Variants in SEPTIN8 observed in about 807,000 individuals in gnomAD.
SEPTIN8 encodes the protein septin-8.
SEPTIN8 carries 22 observed loss-of-function variants against 53.1 expected under a neutral mutation model. The observed-to-expected ratio is 0.41, with a 90% confidence interval of 0.30 to 0.59. The LOEUF (loss-of-function observed/expected upper bound fraction) is 0.59, where lower values mean the gene tolerates loss of function less well. Among genes scored for constraint, SEPTIN8 ranks in the 20% least tolerant of loss-of-function variants. The pLI is 0.24. For synonymous variants in SEPTIN8, 228 were observed against 248.4 expected (o/e 0.92, Z 0.77); for missense variants, 536 against 638.7 (o/e 0.84, Z 1.73).
chr5:132,776,313 C>G lies in SEPTIN8; in HGVS notation c.30+795G>C, dbSNP rs532735716. Among the ~76,000 whole-genome samples, 2 of 152,174 alleles carry G rather than the reference C, an allele frequency of 1.3e-5. No individual in the cohort carries two copies. Among genetic ancestry groups the G allele is most frequent in the Non-Finnish European group, 2.9e-5 (2 of 68,032 alleles). ...AGCAGGGGATGTCCAGATACAACCC[C>G]CCAAAGGCCTCCCTCCCGCGAGTGA... On this transcript the variant is annotated intron_variant, in intron 1 of 9. Transcript: ENST00000378719. This position sits in a 1 kb window ranked among gnomAD's most constrained non-coding sequence, Gnocchi z 4.4.
intron 1 of SEPTIN8, among the ~76,000 whole-genome samples, chr5:132,771,437 C>T (rs1757310063): frequency 6.6e-6 from 1 of 152,188 alleles, no homozygotes; most frequent in Admixed American, 6.5e-5. Flanking sequence ...CTCAGGCCTT[C>T]CAGAGTTCTC....
rs767730032 is a variant in SEPTIN8 at position 132,758,583 on chromosome 5, T to G, written c.1286+2219A>C. 1.9e-6 allele frequency: 3 copies of G among 1,610,280 alleles called. No homozygotes were observed. In the Admixed American group the frequency reaches 5.0e-5, roughly 27 times the overall value. ...TGAAAAAAATAAACCTCGTCAGTTT[T>G]GGATTCCAGCATTCATGGCTTTTAC... On this transcript the variant is annotated intron_variant, in intron 9 of 9. Transcript: ENST00000378719.
At chr5:132,774,922 T>C (rs955692025) in intron 1 of SEPTIN8, among the ~76,000 whole-genome samples, 1 of 152,136 alleles carries the variant, frequency 6.6e-6, no homozygotes. Context: ...TTTCCCAAGA[T>C]GACAAGCCAG....
chr5:132,762,345 C>T, intron 5 of SEPTIN8, 139 bp downstream of exon 5: 1 of 819,700 alleles, frequency 1.2e-6, no homozygotes, highest in Non-Finnish European at 1.9e-6. Flanking sequence ...GACTGGCCAG[C>T]TCCAGATGCC....
At chr5:132,762,695 G>A in intron 4 of SEPTIN8, 50 bp from the exon 5 acceptor site, 1 of 1,595,584 alleles carries the variant, frequency 6.3e-7, no homozygotes, top group Non-Finnish European at 8.6e-7. Flanking sequence ...CTTTTGAGCG[G>A]TGGTTCCCAT....
intron 9 of SEPTIN8, chr5:132,757,587 C>A (rs747478324): frequency 4.1e-6 from 4 of 985,196 alleles, no homozygotes; most frequent in Non-Finnish European, 4.8e-6. Flanking sequence ...TTGAGGGGAG[C>A]GTTGTGCATT....
At chr5:132,762,722 G>A (rs1756118316) in intron 4 of SEPTIN8, 77 bp from the exon 5 acceptor site, 1 of 1,487,258 alleles carries the variant, frequency 6.7e-7, no homozygotes, top group Non-Finnish European at 9.3e-7. Context: ...CCCAGGATAT[G>A]GATAGACATG....
chr5:132,759,840 G>A (rs757212460), intron 9 of SEPTIN8, among the ~76,000 whole-genome samples: 15 of 152,180 alleles, frequency 9.9e-5, no homozygotes, highest in Non-Finnish European at 1.6e-4. Context: ...GGTGGGCGAG[G>A]GTGAGCCCCA....
Position 132,773,635 on chromosome 5 carries a change from C to A in SEPTIN8, c.30+3473G>T, listed in dbSNP as rs1405923844. 6.6e-6 allele frequency among the ~76,000 whole-genome samples: 1 copy of A among 152,216 alleles called. No individual in the cohort carries two copies. The highest frequency in any genetic ancestry group is 1.5e-5 in the Non-Finnish European group (1 of 68,040). ...TCAACAAGATAATGCGCTCAAAGCA[C>A]CCACTGCCCTCCTTGCCATCCAAGG... On this transcript the variant is annotated intron_variant, in intron 1 of 9. Coordinates refer to ENST00000378719, the MANE Select transcript of SEPTIN8 (RefSeq NM_001098811.2). This position sits in a 1 kb window ranked among gnomAD's most constrained non-coding sequence, Gnocchi z 4.2.
Position 132,776,569 on chromosome 5 carries a change from G to T in SEPTIN8, c.30+539C>A, listed in dbSNP as rs887342011. 2.0e-5 allele frequency among the ~76,000 whole-genome samples: 3 copies of T among 150,258 alleles called. No homozygotes were observed. Among genetic ancestry groups the T allele is most frequent in the Non-Finnish European group, 4.5e-5 (3 of 66,652 alleles). On this transcript the variant is annotated intron_variant, in intron 1 of 9. Transcript: ENST00000378719. The surrounding 1 kb of genome is among the most constrained non-coding windows in gnomAD (Gnocchi z 4.4). ...CCAGGATTCCGGCGTGGGGAGCGGG[G>T]CAGAGGGGAGCGGGGGAGGAAGGAA...
At chr5:132,775,351 G>A (rs30523) in intron 1 of SEPTIN8, among the ~76,000 whole-genome samples, 55,179 of 152,018 alleles carry the variant, frequency 0.36, 16,843 homozygotes, top group African/African-American at 0.8. Flanking sequence ...TTACATAGGG[G>A]GCCAGTCCTC....
Position 132,760,750 on chromosome 5 carries a change from C to T in SEPTIN8, c.1286+52G>A. ...GGGAGGTGAGGGACAAGAACGAAAG[C>T]AAGAGCCCACAGGAGCAAGAGGAGC... On this transcript the variant is annotated intron_variant, in intron 9 of 9. Coordinates refer to ENST00000378719, the MANE Select transcript of SEPTIN8 (RefSeq NM_001098811.2). This position sits in a 1 kb window ranked among gnomAD's most constrained non-coding sequence, Gnocchi z 5.2. 3 of 1,545,686 alleles carry T rather than the reference C, an allele frequency of 1.9e-6. No homozygotes were observed. Among genetic ancestry groups the T allele is most frequent in the East Asian group, 4.5e-5 (2 of 44,560 alleles).
At chr5:132,778,806 A>T (rs1757978879), upstream of SEPTIN8, among the ~76,000 whole-genome samples, 1 of 152,350 alleles carries the variant, frequency 6.6e-6, no homozygotes, top group Admixed American at 6.5e-5. Context: ...TCTCTAGACT[A>T]CAAGGGCCTT....
rs756664598 is a variant in SEPTIN8 at position 132,761,084 on chromosome 5, G to A, written c.1095+49C>T. 6.2e-7 allele frequency: 1 copy of A among 1,611,790 alleles called. No homozygotes were observed. Among genetic ancestry groups the A allele is most frequent in the Admixed American group, 1.7e-5 (1 of 59,942 alleles). ...CACCCCCACCTCTACCCTCAGCCAG[G>A]CCTTCCCTCCCTCAGCTTCCCCATC... On this transcript the variant is annotated intron_variant, in intron 8 of 9. Transcript: ENST00000378719. This position sits in a 1 kb window ranked among gnomAD's most constrained non-coding sequence, Gnocchi z 5.8.
In SEPTIN8 at chr5:132,756,818, T is replaced by C. The variant is rs906190927; in HGVS notation, c.1286+3984A>G. The C allele has an allele frequency of 3.0e-6, 3 of 985,314 alleles. No individual in the cohort carries two copies. In the African/African-American group the frequency reaches 5.2e-5, roughly 17 times the overall value. 61.0% of individuals were successfully genotyped at this position (985,314 alleles called of 1,614,324 possible). On this transcript the variant is annotated intron_variant, in intron 9 of 9. Transcript: ENST00000378719. ...CGACCCGCAGGCCACAATGGACGAA[T>C]GGCCAAGTCTGCATACTCCAGAGTC...
chr5:132,777,199 C>T lies in SEPTIN8; in HGVS notation c.-62G>A. ...CGCAGGGGCAGCGACAGGGACCAGCCGGCTGCGGGACGCGCTCCGCCCGGG... is the reference window on the plus strand; with the variant it reads ...CGCAGGGGCAGCGACAGGGACCAGCTGGCTGCGGGACGCGCTCCGCCCGGG... On this transcript the variant is annotated 5_prime_UTR_variant, in exon 1 of 10. Transcript: ENST00000378719. The surrounding 1 kb of genome is among the most constrained non-coding windows in gnomAD (Gnocchi z 4.1). 1.7e-6 allele frequency: 2 copies of T among 1,161,182 alleles called. No individual in the cohort carries two copies. Among genetic ancestry groups the T allele is most frequent in the Non-Finnish European group, 2.1e-6 (2 of 941,652 alleles). The allele number at this position is 1,161,182 out of a possible 1,614,324, so 71.9% of individuals were successfully genotyped here.
intron 1 of SEPTIN8, among the ~76,000 whole-genome samples, chr5:132,769,359 G>A (rs769312501): frequency 1.6e-4 from 24 of 152,252 alleles, no homozygotes; most frequent in African/African-American, 3.6e-4. Context: ...CAACACACAC[G>A]CACTGGACAT....
chr5:132,773,051 G>A lies in SEPTIN8; in HGVS notation c.30+4057C>T, dbSNP rs1340348272. Among the ~76,000 whole-genome samples, 1 of 152,216 alleles carries A rather than the reference G, an allele frequency of 6.6e-6. No individual in the cohort carries two copies. Among genetic ancestry groups the A allele is most frequent in the Non-Finnish European group, 1.5e-5 (1 of 68,038 alleles). ...AACATGTAGGGCAACTGCACGCAGA[G>A]CCAAGATGCCCCCTGCCCCGTCCTC... On this transcript the variant is annotated intron_variant, in intron 1 of 9. Transcript: ENST00000378719. The surrounding 1 kb of genome is among the most constrained non-coding windows in gnomAD (Gnocchi z 4.2).
intron 1 of SEPTIN8, among the ~76,000 whole-genome samples, chr5:132,770,135 GTATGTGTGTGTATATATA>G (rs1561769106): frequency 0.015 from 1,405 of 93,706 alleles, 41 homozygotes; most frequent in African/African-American, 0.093. Flanking sequence ...GTATATATGT[GTATGTGTGTGTATATATA>G]TATATATATA....
Sources: allele counts gnomAD v4.1 joint callset (sites outside exome capture counted in the v4.1 genomes callset), GRCh38; gene constraint gnomAD v4.1.1; non-coding constraint Gnocchi (gnomAD v3.1); transcripts MANE v1.5; gene names NCBI Gene and HGNC (gene_info 2026-07-23, HGNC 2026-07-21).